PLEKHM3: variants seen among roughly 807,000 people sequenced by gnomAD.
PLEKHM3 encodes the protein pleckstrin homology domain-containing family M member 3.
PLEKHM3 carries 45 observed loss-of-function variants against 81.8 expected under a neutral mutation model. That is an observed-to-expected ratio of 0.55 (90% confidence interval 0.43 to 0.71). PLEKHM3 has a LOEUF of 0.71. PLEKHM3 is among the 30% of genes least tolerant of loss of function. The pLI is 0.00. For synonymous variants in PLEKHM3, 352 were observed against 356.4 expected (o/e 0.99, Z 0.14); for missense variants, 788 against 924.3 (o/e 0.85, Z 1.91).
At chr2:207,919,905 C>T (rs1386726615) in intron 5 of PLEKHM3, among the ~76,000 whole-genome samples, 1 of 151,952 alleles carries the variant, frequency 6.6e-6, no homozygotes, top group Non-Finnish European at 1.5e-5. Flanking sequence ...GAGTAAGCTG[C>T]TAAATTTTGC....
chr2:207,853,671 T>A (rs754807824), intron 7 of PLEKHM3, among the ~76,000 whole-genome samples: 1 of 151,842 alleles, frequency 6.6e-6, no homozygotes, highest in Non-Finnish European at 1.5e-5. Flanking sequence ...GAGGTGGAGG[T>A]TGCAGTGAGC....
At chr2:207,914,233 C>T (rs780302642) in intron 5 of PLEKHM3, among the ~76,000 whole-genome samples, 2 of 151,884 alleles carry the variant, frequency 1.3e-5, no homozygotes, top group Non-Finnish European at 2.9e-5. Flanking sequence ...CCGTGGCTCA[C>T]GCCTGTAATC....
At chr2:207,979,234 A>C (rs1691436342) in intron 2 of PLEKHM3, among the ~76,000 whole-genome samples, 2 of 152,210 alleles carry the variant, frequency 1.3e-5, no homozygotes, top group Non-Finnish European at 2.9e-5. Context: ...CATTCTTATC[A>C]GACATGAAAA....
chr2:207,842,123 G>C (rs2092357968), intron 7 of PLEKHM3, among the ~76,000 whole-genome samples: 1 of 152,146 alleles, frequency 6.6e-6, no homozygotes, highest in African/African-American at 2.4e-5. Context: ...ATTTTTAGTA[G>C]AGACGGGGTT....
intron 4 of PLEKHM3, among the ~76,000 whole-genome samples, chr2:207,935,058 C>T (rs1361528877): frequency 6.6e-6 from 1 of 152,048 alleles, no homozygotes; most frequent in African/African-American, 2.4e-5. Flanking sequence ...GAAAATGTAT[C>T]AGAATAAAAC....
chr2:207,874,994 A>G (rs915413053), intron 6 of PLEKHM3, among the ~76,000 whole-genome samples: 4 of 152,136 alleles, frequency 2.6e-5, no homozygotes, highest in Admixed American at 1.3e-4. Flanking sequence ...GAAATTTAGA[A>G]TATTAGAAAA....
Position 207,825,106 on chromosome 2 carries a change from A to G in PLEKHM3, c.*3213T>C, listed in dbSNP as rs541990652. 6.6e-6 allele frequency: 1 copy of G among 152,314 alleles called. No homozygotes were observed. The highest frequency in any genetic ancestry group is 2.4e-5 in the African/African-American group (1 of 41,576). The allele number at this position is 152,314 out of a possible 1,614,324, so 9.4% of individuals were successfully genotyped here. On this transcript the variant is annotated 3_prime_UTR_variant, in exon 8 of 8. Transcript: ENST00000427836. ...CATATAAAGAGGCTTTTAACTTTGGAAAAAGCGGGCCTGGAAAGAACACTA... is the reference window on the plus strand; with the variant it reads ...CATATAAAGAGGCTTTTAACTTTGGGAAAAGCGGGCCTGGAAAGAACACTA...
intron 6 of PLEKHM3, among the ~76,000 whole-genome samples, chr2:207,878,285 G>A (rs2097665625): frequency 6.6e-6 from 1 of 150,482 alleles, no homozygotes; most frequent in Admixed American, 6.7e-5. Flanking sequence ...TTAGAACACT[G>A]GAAGGCACAC....
rs2092256903 is a variant in PLEKHM3 at position 207,827,354 on chromosome 2, C to T, written c.*965G>A. ...TCTGAGAAAAGAAACTAAAACGACC[C>T]TCTTTGGGAATATACTTACTAGATA... is the stretch of plus-strand genomic sequence containing the variant. On this transcript the variant is annotated 3_prime_UTR_variant, in exon 8 of 8. Coordinates refer to ENST00000427836, the MANE Select transcript of PLEKHM3 (RefSeq NM_001080475.3). 6.6e-6 allele frequency: 1 copy of T among 151,904 alleles called. No individual in the cohort carries two copies. The highest frequency in any genetic ancestry group is 1.5e-5 in the Non-Finnish European group (1 of 67,990). The allele number at this position is 151,904 out of a possible 1,614,324, so 9.4% of individuals were successfully genotyped here. A position where few individuals can be genotyped will look rare whatever the true frequency, so the allele number is the denominator to read the frequency against.
At chr2:207,872,880 G>A (rs1474496318) in intron 6 of PLEKHM3, among the ~76,000 whole-genome samples, 2 of 152,146 alleles carry the variant, frequency 1.3e-5, no homozygotes, top group East Asian at 3.9e-4. Flanking sequence ...AACTAGAGAA[G>A]TAACTTTATT....
At chr2:207,905,683 A>G (rs112625670) in intron 6 of PLEKHM3, among the ~76,000 whole-genome samples, 26 of 152,340 alleles carry the variant, frequency 1.7e-4, no homozygotes, top group African/African-American at 5.8e-4. Context: ...TTTAAATATG[A>G]TAAGTTTGGG....
At position 207,992,082 on chromosome 2, in the gene PLEKHM3, T is replaced by C. The variant is rs1019486066; in HGVS notation, c.610+8948A>G. Among the ~76,000 whole-genome samples the C allele has an allele frequency of 3.9e-4, 59 of 152,204 alleles. 1 individual carries two copies. The highest frequency in any genetic ancestry group is 2.6e-4 in the Admixed American group (4 of 15,276). ...AAGGTTATACCACAAAGTGGGCAAG[T>C]TGAGAGTGGAACTCCAACCTCCAGA... On this transcript the variant is annotated intron_variant, in intron 2 of 7. Transcript: ENST00000427836.
intron 6 of PLEKHM3, among the ~76,000 whole-genome samples, chr2:207,876,130 G>T (rs1235596333): frequency 1.3e-5 from 2 of 152,214 alleles, no homozygotes; most frequent in Non-Finnish European, 2.9e-5. Flanking sequence ...ACTGTAGTGG[G>T]ATGTAGGGGA....
At chr2:207,839,537 AT>A (rs1029107137) in intron 7 of PLEKHM3, among the ~76,000 whole-genome samples, 6 of 152,120 alleles carry the variant, frequency 3.9e-5, no homozygotes, top group Non-Finnish European at 7.3e-5. Context: ...GGTAACCATA[AT>A]TTTCCAATAC....
chr2:207,853,743 A>G (rs2092424724), intron 7 of PLEKHM3, among the ~76,000 whole-genome samples: 1 of 151,742 alleles, frequency 6.6e-6, no homozygotes, highest in South Asian at 2.1e-4. Flanking sequence ...AAACAAACAA[A>G]CAAGTACAAA....
chr2:207,986,133 G>T (rs1691711781), intron 2 of PLEKHM3, among the ~76,000 whole-genome samples: 1 of 152,172 alleles, frequency 6.6e-6, no homozygotes, highest in African/African-American at 2.4e-5. Context: ...GCAATAGTTG[G>T]AATGAAAGAC....
At chr2:207,996,953 T>C (rs1162798429) in intron 2 of PLEKHM3, among the ~76,000 whole-genome samples, 1 of 152,082 alleles carries the variant, frequency 6.6e-6, no homozygotes, top group Non-Finnish European at 1.5e-5. Context: ...TTTAACCCAT[T>C]TAATGCTCAC....
At position 207,908,591 on chromosome 2, in the gene PLEKHM3, C is replaced by A; in HGVS notation, c.1887-14G>T. Reference sequence around the variant, plus strand: ...CTGGGGAAAATTCTGAAAACAAGGGCAGATAGACAAGTGAACTGTGGTGCT... The same window carrying A: ...CTGGGGAAAATTCTGAAAACAAGGGAAGATAGACAAGTGAACTGTGGTGCT... On this transcript the variant is annotated splice_polypyrimidine_tract_variant and intron_variant, in intron 5 of 7. Transcript: ENST00000427836. The A allele has an allele frequency of 1.2e-6, 2 of 1,600,224 alleles. No individual in the cohort carries two copies. The highest frequency in any genetic ancestry group is 1.7e-6 in the Non-Finnish European group (2 of 1,169,772).
chr2:207,993,213 A>G (rs1205292154), intron 2 of PLEKHM3, among the ~76,000 whole-genome samples: 2 of 152,206 alleles, frequency 1.3e-5, no homozygotes, highest in Non-Finnish European at 2.9e-5. Flanking sequence ...TGGGCTGTCA[A>G]TGAGGCATAT....
Sources: gnomAD v4.1 joint callset for allele counts (sites outside exome capture counted in the v4.1 genomes callset) on GRCh38, gnomAD v4.1.1 for gene constraint, MANE v1.5 for transcripts, NCBI Gene and HGNC (gene_info 2026-07-23, HGNC 2026-07-21) for gene names.